VPS13D: variants seen among roughly 807,000 people sequenced by gnomAD.
VPS13D encodes intermembrane lipid transfer protein VPS13D.
In VPS13D, 187 loss-of-function variants were observed where a neutral mutation model predicts 461.9. The observed-to-expected ratio is 0.40, with a 90% CI of 0.36 to 0.46. VPS13D has a LOEUF of 0.46. Ranked by LOEUF, VPS13D falls within the 20% of genes least tolerant of loss-of-function variation. The pLI, the probability that VPS13D is intolerant of heterozygous loss-of-function variation, is 0.60. For missense variants in VPS13D, 4,711 were observed against 5,364.9 expected (o/e 0.88, Z 3.81); for synonymous variants, 1,951 against 1,986.3 (o/e 0.98, Z 0.47).
chr1:12,460,079 C>T (rs1480244533), intron 66 of VPS13D, 122 bp from the exon 67 acceptor site: 7 of 857,088 alleles, frequency 8.2e-6, no homozygotes, highest in Non-Finnish European at 1.2e-5. Flanking sequence ...TGTCTGTGGC[C>T]TCTCTGGCAC....
chr1:12,378,603 G>A lies in VPS13D; in HGVS notation c.11081+12G>A. On this transcript the variant is annotated intron_variant, in intron 56 of 69. Coordinates refer to ENST00000620676, the MANE Select transcript of VPS13D (RefSeq NM_015378.4). ...GTGACTGACAACAGGTAATTTTCTA[G>A]GCAACTTTTGATTCAAGCTCATTGC... is the stretch of plus-strand genomic sequence containing the variant. The A allele has an allele frequency of 6.5e-7, 1 of 1,535,690 alleles. No homozygotes were observed. Among genetic ancestry groups the A allele is most frequent in the Admixed American group, 2.0e-5 (1 of 50,394 alleles).
intron 23 of VPS13D, among the ~76,000 whole-genome samples, chr1:12,292,435 CTTTTTTTTTTTTTT>C (rs886615855): frequency 1.0e-5 from 1 of 96,916 alleles, no homozygotes; most frequent in Non-Finnish European, 2.0e-5. Flanking sequence ...TGCTCAGTCT[CTTTTTTTTTTTTTT>C]TTTTTTTTGA....
chr1:12,302,815 C>T (rs1002828358), intron 25 of VPS13D, among the ~76,000 whole-genome samples: 1 of 150,236 alleles, frequency 6.7e-6, no homozygotes, highest in African/African-American at 2.4e-5. Flanking sequence ...GTTCTTAAGG[C>T]CCATTGAAAA....
intron 63 of VPS13D, among the ~76,000 whole-genome samples, chr1:12,414,042 G>C (rs1365117867): frequency 6.6e-6 from 1 of 152,180 alleles, no homozygotes; most frequent in Admixed American, 6.5e-5. Context: ...GCAGCACTTT[G>C]GGATGCCAAG....
chr1:12,438,675 A>G (rs1443672902), intron 65 of VPS13D, among the ~76,000 whole-genome samples: 3 of 152,214 alleles, frequency 2.0e-5, no homozygotes, highest in African/African-American at 7.2e-5. Context: ...CAAAAGAAGA[A>G]TTAGATAATG....
chr1:12,305,193 G>A (rs1465300112), intron 26 of VPS13D, among the ~76,000 whole-genome samples: 1 of 152,174 alleles, frequency 6.6e-6, no homozygotes, highest in Non-Finnish European at 1.5e-5. Flanking sequence ...TGAACCATCT[G>A]GTTATTGGTG....
Position 12,497,814 on chromosome 1 carries a change from C to G in VPS13D, c.12794+183C>G, listed in dbSNP as rs555729384. Among the ~76,000 whole-genome samples, 5 of 152,322 alleles carry G rather than the reference C, an allele frequency of 3.3e-5. No individual in the cohort carries two copies. In the East Asian group the frequency reaches 9.6e-4, roughly 29 times the overall value. ...ATAACTGATGCTAAACAGCCTTTTA[C>G]TCAAAGCAGTGGTTCTCAACTGTGT... On this transcript the variant is annotated intron_variant, in intron 68 of 69. Coordinates refer to ENST00000620676, the MANE Select transcript of VPS13D (RefSeq NM_015378.4).
chr1:12,326,642 G>T (rs1321922269), intron 35 of VPS13D, among the ~76,000 whole-genome samples: 3 of 150,136 alleles, frequency 2.0e-5, no homozygotes, highest in Non-Finnish European at 3.0e-5. Flanking sequence ...GCCTCTGTTT[G>T]GTAATTTTTT....
At chr1:12,338,135 G>C (rs1643489650) in intron 39 of VPS13D, 96 bp from the exon 40 acceptor site, 2 of 1,098,514 alleles carry the variant, frequency 1.8e-6, no homozygotes, top group Admixed American at 1.7e-5. Flanking sequence ...TGCTATTTTT[G>C]TAATGTTCTC....
chr1:12,363,984 GC>G, intron 52 of VPS13D, among the ~76,000 whole-genome samples: 1 of 135,526 alleles, frequency 7.4e-6, no homozygotes, highest in South Asian at 2.4e-4. Context: ...AAAAAAATCA[GC>G]CTTAATTAGC....
chr1:12,453,705 AC>A (rs1645292376), intron 65 of VPS13D: 1 of 152,086 alleles, frequency 6.6e-6, no homozygotes, highest in Admixed American at 6.5e-5. Context: ...TACGATTGTT[AC>A]CTTCTCAAAG....
At position 12,318,058 on chromosome 1, in the gene VPS13D, T is replaced by A; in HGVS notation, c.7149-14T>A. 2 of 1,592,510 alleles carry A rather than the reference T, an allele frequency of 1.3e-6. No individual in the cohort carries two copies. The highest frequency in any genetic ancestry group is 1.7e-6 in the Non-Finnish European group (2 of 1,165,944). ...CTTTTTTCCTATTTATTTTCTCCTG[T>A]CTTCTTTTTATAGATCTACCAAGGA... is the stretch of plus-strand genomic sequence containing the variant. On this transcript the variant is annotated splice_polypyrimidine_tract_variant and intron_variant, in intron 30 of 69. Coordinates refer to ENST00000620676, the MANE Select transcript of VPS13D (RefSeq NM_015378.4).
At chr1:12,241,981 A>AT (rs1219412412) in intron 2 of VPS13D, among the ~76,000 whole-genome samples, 1 of 152,106 alleles carries the variant, frequency 6.6e-6, no homozygotes, top group Non-Finnish European at 1.5e-5. Flanking sequence ...CCTCTGGTAA[A>AT]TATTAGCCTA....
At chr1:12,432,422 A>C (rs964921889) in intron 65 of VPS13D, among the ~76,000 whole-genome samples, 5 of 151,772 alleles carry the variant, frequency 3.3e-5, no homozygotes, top group African/African-American at 1.2e-4. Flanking sequence ...AAAGAGCGAA[A>C]ACATCTTTAG....
At chr1:12,259,343 TCTC>T (rs1641029571) in intron 10 of VPS13D, among the ~76,000 whole-genome samples, 1 of 148,726 alleles carries the variant, frequency 6.7e-6, no homozygotes, top group African/African-American at 2.5e-5. Flanking sequence ...TGAGACAGGA[TCTC>T]CTTCTGTCAT....
At position 12,356,124 on chromosome 1, in the gene VPS13D, C is replaced by T. The variant is rs781715488; in HGVS notation, c.9871+34C>T. On this transcript the variant is annotated intron_variant, in intron 48 of 69. Coordinates refer to ENST00000620676, the MANE Select transcript of VPS13D (RefSeq NM_015378.4). ...AGGGGCTGCTCAAGTAGGTCTTTGG[C>T]GTTAGTCATGGGAATTCAGATTTAT... 1.7e-5 allele frequency: 26 copies of T among 1,564,742 alleles called. No individual in the cohort carries two copies. In the Middle Eastern group the frequency reaches 5.7e-4, roughly 34 times the overall value.
Position 12,282,974 on chromosome 1 carries a change from A to T in VPS13D, c.4872A>T (p.Ile1624=), listed in dbSNP as rs754871717. The change falls in exon 21 of 70, where the codon ATA becomes ATT. Residue 1624 remains isoleucine (I), a synonymous_variant. Transcript: ENST00000620676. ...CTCAGATTCAAGCCACCTTTTGTAT[A>T]TCAGAGCTTCAGGTTCAGCTAAGTG... The part of the protein sequence containing the change: ...SFTQIQATFC[I]SELQVQLSGD... 1.2e-6 allele frequency: 2 copies of T among 1,614,202 alleles called. No homozygotes were observed. The highest frequency in any genetic ancestry group is 1.1e-5 in the South Asian group (1 of 91,090).
chr1:12,330,862 C>T (rs1174594617), intron 37 of VPS13D, among the ~76,000 whole-genome samples: 1 of 152,274 alleles, frequency 6.6e-6, no homozygotes, highest in Non-Finnish European at 1.5e-5. Flanking sequence ...GCCACTGCGC[C>T]CAGCCAAGCA....
intron 65 of VPS13D, among the ~76,000 whole-genome samples, chr1:12,429,665 C>G (rs371525096): frequency 6.6e-6 from 1 of 152,244 alleles, no homozygotes; most frequent in South Asian, 2.1e-4. Context: ...TAGCCAAAAT[C>G]GTACTATAGC....
Sources: allele counts gnomAD v4.1 joint callset (sites outside exome capture counted in the v4.1 genomes callset), GRCh38; gene constraint gnomAD v4.1.1; transcripts MANE v1.5; gene names NCBI Gene and HGNC (gene_info 2026-07-23, HGNC 2026-07-21).